The following BTBD3 variants were observed in gnomAD, a reference collection of about 807,000 sequenced individuals.
The protein encoded by BTBD3 is BTB/POZ domain-containing protein 3.
In BTBD3, 14 loss-of-function variants were observed where a neutral mutation model predicts 41.6. The ratio of observed to expected loss-of-function variants is 0.34; its 90% confidence interval spans 0.22 to 0.53. The LOEUF (loss-of-function observed/expected upper bound fraction) is 0.53, where lower values mean the gene tolerates loss of function less well. Ranked by LOEUF, BTBD3 falls within the 20% of genes least tolerant of loss-of-function variation. BTBD3 has a pLI of 0.95. For missense variants in BTBD3, 426 were observed against 654.7 expected (o/e 0.65, Z 3.81); for synonymous variants, 249 against 233.7 (o/e 1.07, Z -0.60).
intron 1 of BTBD3, among the ~76,000 whole-genome samples, chr20:11,897,898 C>G (rs1365746247): frequency 6.6e-6 from 1 of 152,182 alleles, no homozygotes; most frequent in Non-Finnish European, 1.5e-5. Context: ...GTGGTTCACG[C>G]CTGTAATCCA....
chr20:11,918,256 A>AAT lies in BTBD3; in HGVS notation c.-19_-18insTA. On this transcript the variant is annotated 5_prime_UTR_variant, in exon 1 of 4. Transcript: ENST00000378226. ...AACCAATTTGGGATATCTAACTCTA[A>AAT]AGAGAGACACACTGTACTCATGGTA... 6.5e-7 allele frequency: 1 copy of AAT among 1,534,570 alleles called. No individual in the cohort carries two copies. Among genetic ancestry groups the AAT allele is most frequent in the East Asian group, 2.3e-5 (1 of 44,386 alleles).
At chr20:11,906,419 A>G (rs1012669851) in intron 1 of BTBD3, among the ~76,000 whole-genome samples, 2 of 151,204 alleles carry the variant, frequency 1.3e-5, no homozygotes, top group Non-Finnish European at 2.9e-5. Context: ...ACATGCCACC[A>G]CACCTGGCTA....
At chr20:11,892,656 A>C (rs898355090) in intron 1 of BTBD3, 2 of 152,226 alleles carry the variant, frequency 1.3e-5, no homozygotes, top group Middle Eastern at 3.4e-3. Flanking sequence ...TTGATTTCTC[A>C]TTCTTTCCCA....
At chr20:11,895,988 C>CT in intron 1 of BTBD3, among the ~76,000 whole-genome samples, 1 of 152,092 alleles carries the variant, frequency 6.6e-6, no homozygotes, top group Non-Finnish European at 1.5e-5. Flanking sequence ...AGAAAGATCT[C>CT]TTACTGTCAC....
intron 1 of BTBD3, 183 bp from the exon 2 acceptor site, chr20:11,918,903 T>C (rs2056941580): frequency 2.3e-5 from 13 of 574,358 alleles, no homozygotes; most frequent in East Asian, 1.2e-4. Flanking sequence ...TTTTAAACTT[T>C]AGTTACTTCC....
At chr20:11,918,642 G>A (rs1246953915) in intron 1 of BTBD3, 41 bp downstream of exon 1, 5 of 1,519,388 alleles carry the variant, frequency 3.3e-6, no homozygotes, top group Non-Finnish European at 8.8e-7. Context: ...AAGTTTTCCT[G>A]TGTTGAAGTT....
rs1369772269 is a variant in BTBD3 at position 11,918,557 on chromosome 20, C to T, written c.282C>T (p.Ile94=). The change falls in exon 1 of 4, where the codon ATC becomes ATT. Residue 94 remains isoleucine, a synonymous_variant. Coordinates refer to ENST00000378226, the MANE Select transcript of BTBD3 (RefSeq NM_014962.4). ...HQQNLSNNNL[I]PAPNWQGLYP... ...AGAATCTCAGTAACAACAACCTTAT[C>T]CCGGCCCCAAACTGGCAGGGTCTTT... The T allele has an allele frequency of 1.2e-6, 2 of 1,612,912 alleles. No individual in the cohort carries two copies. Among genetic ancestry groups the T allele is most frequent in the African/African-American group, 1.3e-5 (1 of 74,806 alleles).
At position 11,923,176 on chromosome 20, in the gene BTBD3, T is replaced by C; in HGVS notation, c.1079T>C (p.Leu360Pro). ...TATACTGCAGCCAAAAAGCCTGAGC[T>C]TCAGTTTGTGAGTAAAGCCCGTAAG... ...LWYTAAKKPELQFVSKARKGL... is the reference protein window; with the variant it reads ...LWYTAAKKPEPQFVSKARKGL... The change falls in exon 4 of 4, where the codon CTT becomes CCT. Residue 360 changes from leucine (L) to proline (P), a missense_variant. Leu to Pro is a moderately conservative substitution (Grantham distance 98). Coordinates refer to ENST00000378226, the MANE Select transcript of BTBD3 (RefSeq NM_014962.4). The surrounding 1 kb of genome is among the most constrained non-coding windows in gnomAD (Gnocchi z 5.3). 1 of 1,614,212 alleles carries C rather than the reference T, an allele frequency of 6.2e-7. No homozygotes were observed.
intron 3 of BTBD3, among the ~76,000 whole-genome samples, chr20:11,921,158 C>T (rs1051750462): frequency 6.6e-5 from 10 of 152,202 alleles, no homozygotes; most frequent in Admixed American, 4.6e-4. Context: ...ACTAGTTCAG[C>T]ATTTTGTCTT....
At chr20:11,893,206 A>G (rs1167404590) in intron 1 of BTBD3, among the ~76,000 whole-genome samples, 1 of 152,246 alleles carries the variant, frequency 6.6e-6, no homozygotes, top group Admixed American at 6.5e-5. Flanking sequence ...TTTTTAAAAA[A>G]TATTTTAAAC....
At chr20:11,919,920 C>T in intron 3 of BTBD3, 84 bp downstream of exon 3, 1 of 1,196,484 alleles carries the variant, frequency 8.4e-7, no homozygotes, top group Non-Finnish European at 1.2e-6. Context: ...TTAAGTTCTG[C>T]ATAACAGAAA....
At chr20:11,921,187 T>G (rs188822790) in intron 3 of BTBD3, among the ~76,000 whole-genome samples, 25 of 152,354 alleles carry the variant, frequency 1.6e-4, no homozygotes, top group Non-Finnish European at 2.2e-4. Context: ...TCAAGTAGGA[T>G]GTTGTATCAT....
intron 1 of BTBD3, among the ~76,000 whole-genome samples, chr20:11,905,744 T>G (rs1171827186): frequency 6.6e-6 from 1 of 152,182 alleles, no homozygotes; most frequent in South Asian, 2.1e-4. Context: ...AGCCAGACTA[T>G]GGAGCCATTT....
At chr20:11,896,301 C>G (rs1460157498) in intron 1 of BTBD3, among the ~76,000 whole-genome samples, 1 of 152,064 alleles carries the variant, frequency 6.6e-6, no homozygotes, top group Non-Finnish European at 1.5e-5. Flanking sequence ...AATTGGCTGT[C>G]GGTAGTCTAA....
Position 11,925,472 on chromosome 20 carries a change from A to G in BTBD3, c.*1806A>G, listed in dbSNP as rs568031453. 2.6e-5 allele frequency: 4 copies of G among 152,800 alleles called. No homozygotes were observed. The highest frequency in any genetic ancestry group is 9.6e-5 in the African/African-American group (4 of 41,584). 9.5% of individuals were successfully genotyped at this position (152,800 alleles called of 1,614,324 possible). On this transcript the variant is annotated 3_prime_UTR_variant, in exon 4 of 4. Transcript: ENST00000378226. ...ATCACTCTTGCCATTACCTACATCT[A>G]TTAGCATAGATGATGAAAAGCTGTT...
chr20:11,919,578 G>A (rs557622634), intron 2 of BTBD3, 140 bp from the exon 3 acceptor site: 1 of 1,143,680 alleles, frequency 8.7e-7, no homozygotes, highest in Admixed American at 2.3e-5. Flanking sequence ...GCTACCCTGT[G>A]TACCTTGGCT....
At chr20:11,910,327 T>A (rs2056881768) in intron 1 of BTBD3, 1 of 152,242 alleles carries the variant, frequency 6.6e-6, no homozygotes, top group Admixed American at 6.5e-5. Context: ...TCTTCTGTTA[T>A]TTAAAGCCAA....
intron 1 of BTBD3, chr20:11,918,883 A>G (rs2056941349): frequency 1.7e-6 from 1 of 573,998 alleles, no homozygotes; most frequent in Non-Finnish European, 3.0e-6. Flanking sequence ...AAAAGTTTGT[A>G]TAACTTTTAT....
At chr20:11,922,116 C>T (rs7261414) in intron 3 of BTBD3, among the ~76,000 whole-genome samples, 2,120 of 152,184 alleles carry the variant, frequency 0.014, 57 homozygotes, top group African/African-American at 0.048. Context: ...GTTAACTGGA[C>T]GATAGCATTG....
Sources: allele counts gnomAD v4.1 joint callset (sites outside exome capture counted in the v4.1 genomes callset), GRCh38; gene constraint gnomAD v4.1.1; non-coding constraint Gnocchi (gnomAD v3.1); transcripts MANE v1.5; gene names NCBI Gene and HGNC (gene_info 2026-07-23, HGNC 2026-07-21).